The following TSNAX variants were observed in gnomAD, a reference collection of about 807,000 sequenced individuals.
TSNAX encodes translin associated factor X.
In TSNAX, 12 loss-of-function variants were observed where a neutral mutation model predicts 33.0. The ratio of observed to expected loss-of-function variants is 0.36; its 90% CI spans 0.23 to 0.59. The LOEUF (loss-of-function observed/expected upper bound fraction) is 0.59, where lower values mean the gene tolerates loss of function less well. Among genes scored for constraint, TSNAX ranks in the 20% least tolerant of loss-of-function variants. TSNAX has a pLI of 0.74. For missense variants in TSNAX, 267 were observed against 341.3 expected, an observed-to-expected ratio of 0.78 and a Z score of 1.72; for synonymous variants, 110 against 117.2, an observed-to-expected ratio of 0.94 and a Z score of 0.40.
At position 231,540,173 on chromosome 1, in the gene TSNAX, CAA is replaced by C. The variant is rs10714707; in HGVS notation, c.237-2284_237-2283del. On this transcript the variant is annotated intron_variant, in intron 3 of 5. Transcript: ENST00000366639. ...TGGGTGACAGAATAGGACTCTGTCT[CAA>C]AAAAAAAAAAAAAAAAAAAAAAACT... Among the ~76,000 whole-genome samples the C allele has an allele frequency of 7.1e-3, 498 of 70,370 alleles. 1 individual carries two copies. The highest frequency in any genetic ancestry group is 0.021 in the African/African-American group (464 of 22,230). The allele number at this position is 70,370 out of a possible 152,430, so 46.2% of individuals were successfully genotyped here. A position where few individuals can be genotyped will look rare whatever the true frequency, so the allele number is the denominator to read the frequency against.
At chr1:231,559,976 A>ATT in intron 4 of TSNAX, among the ~76,000 whole-genome samples, 2 of 148,190 alleles carry the variant, frequency 1.3e-5, no homozygotes, top group Non-Finnish European at 3.0e-5. Context: ...TATTATTATT[A>ATT]TTATTATTAT....
intron 3 of TSNAX, 91 bp from the exon 4 acceptor site, chr1:231,542,390 A>T: frequency 7.3e-7 from 1 of 1,373,374 alleles, no homozygotes; most frequent in Non-Finnish European, 1.0e-6. Context: ...AATGCATACA[A>T]TATTTAGCCC....
At chr1:231,537,586 C>G (rs1448825444) in intron 3 of TSNAX, among the ~76,000 whole-genome samples, 1 of 151,770 alleles carries the variant, frequency 6.6e-6, no homozygotes, top group Admixed American at 6.6e-5. Flanking sequence ...ACTAAAAATA[C>G]AAAAATTAGG....
intron 3 of TSNAX, among the ~76,000 whole-genome samples, chr1:231,539,500 G>A (rs1445779469): frequency 1.3e-5 from 2 of 152,030 alleles, no homozygotes; most frequent in South Asian, 2.1e-4. Flanking sequence ...TTCAGATTAG[G>A]GATGCTCAAC....
At position 231,540,173 on chromosome 1, in the gene TSNAX, CAAAAAAAA is replaced by C. The variant is rs10714707; in HGVS notation, c.237-2290_237-2283del. ...TGGGTGACAGAATAGGACTCTGTCT[CAAAAAAAA>C]AAAAAAAAAAAAAAAAACTTTATGA... On this transcript the variant is annotated intron_variant, in intron 3 of 5. Transcript: ENST00000366639. Among the ~76,000 whole-genome samples the C allele has an allele frequency of 5.7e-5, 4 of 70,454 alleles. No individual in the cohort carries two copies. In the East Asian group the frequency reaches 1.3e-3, roughly 23 times the overall value. The allele number at this position is 70,454 out of a possible 152,430, so 46.2% of individuals were successfully genotyped here.
chr1:231,564,396 T>A (rs1661298703), intron 5 of TSNAX, 132 bp from the exon 6 acceptor site: 1 of 1,459,628 alleles, frequency 6.9e-7, no homozygotes, highest in East Asian at 2.3e-5. Context: ...TAGAAAAAAT[T>A]AGTATGACTG....
intron 3 of TSNAX, among the ~76,000 whole-genome samples, chr1:231,538,903 G>C (rs1659366135): frequency 6.8e-6 from 1 of 147,618 alleles, no homozygotes; most frequent in Admixed American, 6.8e-5. Flanking sequence ...CTGTACCCCA[G>C]CCTGGGCGAC....
chr1:231,542,637 A>C (rs1175910789), intron 4 of TSNAX, 26 bp downstream of exon 4: 2 of 1,602,448 alleles, frequency 1.2e-6, no homozygotes, highest in Non-Finnish European at 1.7e-6. Context: ...TTTCAGGGTA[A>C]TATATATTTT....
Position 231,564,977 on chromosome 1 carries a change from T to G in TSNAX, c.*72T>G. 6.6e-7 allele frequency: 1 copy of G among 1,511,054 alleles called. No homozygotes were observed. Among genetic ancestry groups the G allele is most frequent in the South Asian group, 1.3e-5 (1 of 75,210 alleles). The allele number at this position is 1,511,054 out of a possible 1,614,324, so 93.6% of individuals were successfully genotyped here. On this transcript the variant is annotated 3_prime_UTR_variant, in exon 6 of 6. Transcript: ENST00000366639. ...ACCAATTTGTAAGACTTATTTAGTA[T>G]TTCATTTAACTTTATTGTGGCTTTT...
intron 4 of TSNAX, 110 bp downstream of exon 4, chr1:231,542,721 C>A (rs1659657553): frequency 4.6e-6 from 6 of 1,298,830 alleles, no homozygotes; most frequent in African/African-American, 1.5e-5. Context: ...ATAATACTGG[C>A]TTTTAAAGAA....
rs1402460886 is a variant in TSNAX, at chr1:231,566,488, C to G, written c.*1583C>G. On this transcript the variant is annotated 3_prime_UTR_variant, in exon 6 of 6. Coordinates refer to ENST00000366639, the MANE Select transcript of TSNAX (RefSeq NM_005999.3). ...TTGAAAATGTAATTTTCCAGAAAAA[C>G]ACCTAAAGAAAATAAAACATGGACA... 6.6e-6 allele frequency: 1 copy of G among 152,106 alleles called. No homozygotes were observed. Among genetic ancestry groups the G allele is most frequent in the African/African-American group, 2.4e-5 (1 of 41,410 alleles). The allele number at this position is 152,106 out of a possible 1,614,324, so 9.4% of individuals were successfully genotyped here.
intron 3 of TSNAX, among the ~76,000 whole-genome samples, chr1:231,540,271 A>G (rs559784523): frequency 9.2e-5 from 14 of 152,088 alleles, no homozygotes; most frequent in African/African-American, 3.4e-4. Context: ...TATTTTAACT[A>G]CAAAATTATT....
intron 3 of TSNAX, among the ~76,000 whole-genome samples, chr1:231,542,075 G>A (rs1266492545): frequency 2.0e-5 from 3 of 152,116 alleles, no homozygotes; most frequent in Non-Finnish European, 4.4e-5. Context: ...GGTATATGTT[G>A]TTCTCCTCCC....
At chr1:231,550,449 A>C (rs1660224313) in intron 4 of TSNAX, among the ~76,000 whole-genome samples, 1 of 152,188 alleles carries the variant, frequency 6.6e-6, no homozygotes, top group Non-Finnish European at 1.5e-5. Flanking sequence ...CCAGGGATAT[A>C]AACAGATATT....
chr1:231,528,760 C>G lies in TSNAX; in HGVS notation c.-51C>G. The G allele has an allele frequency of 1.9e-6, 3 of 1,613,412 alleles. No individual in the cohort carries two copies. Among genetic ancestry groups the G allele is most frequent in the Middle Eastern group, 1.7e-4 (1 of 5,844 alleles). On this transcript the variant is annotated 5_prime_UTR_variant, in exon 1 of 6. Coordinates refer to ENST00000366639, the MANE Select transcript of TSNAX (RefSeq NM_005999.3). ...CTCGGCCTGTACCTCGCGCACTCCT[C>G]TTGCTCCAGGTCCTTCAGTCTCCGC...
At position 231,542,588 on chromosome 1, in the gene TSNAX, A is replaced by G; in HGVS notation, c.344A>G (p.Gln115Arg). ...GAGCTATCAGGGGAAGATATGCATC[A>G]GTTCCATCGAGCCATTACTACAGGT... ...AQELSGEDMH[Q>R]FHRAITTGLQ... Residue 115 changes from glutamine to arginine, a missense_variant, in exon 4 of 6, where the codon CAG becomes CGG. This residue lies in a region of TSNAX where 200 missense variants were observed against 214.1 expected (regional missense o/e 0.93). Transcript: ENST00000366639. The G allele has an allele frequency of 1.2e-6, 2 of 1,614,038 alleles. No homozygotes were observed. Among genetic ancestry groups the G allele is most frequent in the Non-Finnish European group, 1.7e-6 (2 of 1,179,940 alleles).
Position 231,561,208 on chromosome 1 carries a change from AAAC to A in TSNAX, c.451_453del (p.Gln151del). 1 of 1,586,764 alleles carries A rather than the reference AAAC, an allele frequency of 6.3e-7. No homozygotes were observed. Among genetic ancestry groups the A allele is most frequent in the Non-Finnish European group, 8.6e-7 (1 of 1,158,528 alleles). On this transcript the variant is annotated inframe_deletion, in exon 5 of 6. Transcript: ENST00000366639. ...ATTAATTAGTATGGATGAAATTAAT[AAAC>A]AATTGATATTTACGACTGAAGACAA...
intron 2 of TSNAX, among the ~76,000 whole-genome samples, chr1:231,531,150 G>T (rs1479832999): frequency 6.6e-6 from 1 of 152,038 alleles, no homozygotes; most frequent in African/African-American, 2.4e-5. Context: ...TAGAGACAGG[G>T]TTTCGCCATG....
intron 4 of TSNAX, among the ~76,000 whole-genome samples, chr1:231,548,136 A>G (rs768559671): frequency 6.6e-6 from 1 of 152,176 alleles, no homozygotes; most frequent in Non-Finnish European, 1.5e-5. Flanking sequence ...CCTGGCCACC[A>G]TTGCTTTCTT....
Sources: allele counts gnomAD v4.1 joint callset (sites outside exome capture counted in the v4.1 genomes callset), GRCh38; gene constraint gnomAD v4.1.1; regional missense constraint gnomAD v4.1.1; transcripts MANE v1.5; gene names NCBI Gene and HGNC (gene_info 2026-07-23, HGNC 2026-07-21).